Variants in NPAS3 observed in about 807,000 individuals in gnomAD.
NPAS3 encodes neuronal PAS domain protein 3.
In NPAS3, 14 loss-of-function variants were observed where a neutral mutation model predicts 73.1. The ratio of observed to expected loss-of-function variants is 0.19; its 90% CI spans 0.13 to 0.30. The LOEUF (loss-of-function observed/expected upper bound fraction) is 0.30, where lower values mean the gene tolerates loss of function less well. NPAS3 is among the 10% of genes least tolerant of loss of function. NPAS3 has a pLI of 1.00. For missense variants in NPAS3, 1,096 were observed against 1,250.0 expected (o/e 0.88, Z 1.86); for synonymous variants, 620 against 541.5 (o/e 1.14, Z -2.01).
chr14:33,371,370 A>C (rs1301918304), intron 4 of NPAS3, among the ~76,000 whole-genome samples: 1 of 152,168 alleles, frequency 6.6e-6, no homozygotes, highest in South Asian at 2.1e-4. Flanking sequence ...AGAAGTTATC[A>C]TCAAGAGAAA....
In NPAS3 at chr14:33,197,954, C is replaced by T. The variant is rs116787724; in HGVS notation, c.141-17228C>T. Among the ~76,000 whole-genome samples, 187 of 152,272 alleles carry T rather than the reference C, an allele frequency of 1.2e-3. 1 individual carries two copies. Among genetic ancestry groups the T allele is most frequent in the African/African-American group, 4.0e-3 (168 of 41,554 alleles). On this transcript the variant is annotated intron_variant, in intron 2 of 11. Coordinates refer to ENST00000356141, the Ensembl canonical transcript of NPAS3. ...GTTCCTTCTGATGTTCGGACGTGTT[C>T]GGAGTTTCTTCCTTGTGGTGGGTTC... is the stretch of plus-strand genomic sequence containing the variant.
chr14:33,104,620 C>T (rs556848587), intron 2 of NPAS3, among the ~76,000 whole-genome samples: 45 of 152,216 alleles, frequency 3.0e-4, no homozygotes, highest in Admixed American at 1.7e-3. Context: ...CCTGTACTGA[C>T]GTAGTGTTGG....
intron 4 of NPAS3, among the ~76,000 whole-genome samples, chr14:33,434,701 CT>C (rs2048914041): frequency 1.3e-5 from 2 of 152,080 alleles, no homozygotes; most frequent in Admixed American, 1.3e-4. Flanking sequence ...CTACATAAAG[CT>C]TTGTGTTAGC....
chr14:33,651,728 C>A (rs972430180), intron 5 of NPAS3, among the ~76,000 whole-genome samples: 1 of 152,002 alleles, frequency 6.6e-6, no homozygotes, highest in Non-Finnish European at 1.5e-5. Flanking sequence ...AGGAAAAAAA[C>A]TGATATAAAA....
chr14:33,415,454 T>C (rs2048108034), intron 4 of NPAS3, among the ~76,000 whole-genome samples: 3 of 152,122 alleles, frequency 2.0e-5, no homozygotes, highest in African/African-American at 2.4e-5. Flanking sequence ...AGTCCATTTT[T>C]CCTTCAAGGA....
chr14:33,108,517 A>T (rs1037458779), intron 2 of NPAS3, among the ~76,000 whole-genome samples: 18 of 152,172 alleles, frequency 1.2e-4, no homozygotes, highest in South Asian at 4.1e-4. Context: ...ACTGTATCAT[A>T]TCCAAATGAA....
At chr14:33,183,104 A>G (rs964049671) in intron 2 of NPAS3, among the ~76,000 whole-genome samples, 1 of 151,928 alleles carries the variant, frequency 6.6e-6, no homozygotes, top group Admixed American at 6.6e-5. Context: ...TTTTGCCACT[A>G]CTTCTTTAAC....
chr14:33,657,830 T>A (rs2059190719), intron 5 of NPAS3, among the ~76,000 whole-genome samples: 2 of 151,694 alleles, frequency 1.3e-5, no homozygotes. Flanking sequence ...GCAGTGGGAG[T>A]GGGGTGCGTT....
chr14:33,665,119 G>C (rs1370256865), intron 5 of NPAS3, among the ~76,000 whole-genome samples: 1 of 152,174 alleles, frequency 6.6e-6, no homozygotes, highest in Non-Finnish European at 1.5e-5. Flanking sequence ...GATGCCCATC[G>C]ATGATAGGCT....
chr14:33,563,774 C>T (rs2055784937), intron 5 of NPAS3, among the ~76,000 whole-genome samples: 1 of 152,094 alleles, frequency 6.6e-6, no homozygotes, highest in African/African-American at 2.4e-5. Flanking sequence ...GCATTCAGAG[C>T]TGTTCATGAC....
At chr14:33,643,377 A>T (rs1260463423) in intron 5 of NPAS3, among the ~76,000 whole-genome samples, 19 of 129,442 alleles carry the variant, frequency 1.5e-4, no homozygotes, top group African/African-American at 6.8e-4. Context: ...ATAAAAATTA[A>T]AAAAAAAAAA....
intron 2 of NPAS3, among the ~76,000 whole-genome samples, chr14:33,080,349 G>A (rs4982043): frequency 0.33 from 50,709 of 151,870 alleles, 8,719 homozygotes; most frequent in African/African-American, 0.43. Flanking sequence ...CTCGTGATCC[G>A]CCTACCTCGG....
At chr14:33,379,214 C>CT (rs899836979) in intron 4 of NPAS3, among the ~76,000 whole-genome samples, 196 of 145,656 alleles carry the variant, frequency 1.3e-3, no homozygotes, top group Non-Finnish European at 2.3e-3. Flanking sequence ...TGGTCCCAAG[C>CT]TTTTTTTTTT....
At chr14:32,945,725 G>C (rs1275831404) in intron 1 of NPAS3, among the ~76,000 whole-genome samples, 1 of 152,156 alleles carries the variant, frequency 6.6e-6, no homozygotes, top group Non-Finnish European at 1.5e-5. Flanking sequence ...CTCTGTTTTG[G>C]TCCTTCATCA....
chr14:33,325,664 G>C (rs78634489), intron 3 of NPAS3, among the ~76,000 whole-genome samples: 3,866 of 146,512 alleles, frequency 0.026, 167 homozygotes, highest in African/African-American at 0.091. Context: ...AAAAAGTACA[G>C]TTAAGTTATT....
intron 2 of NPAS3, among the ~76,000 whole-genome samples, chr14:33,174,500 C>T (rs1886780): frequency 0.94 from 142,560 of 152,260 alleles, 67,124 homozygotes; most frequent in Non-Finnish European, 0.99. Flanking sequence ...TGCAAAATAA[C>T]TCCCAAGGAG....
chr14:33,737,075 C>T (rs2061541215), intron 7 of NPAS3, among the ~76,000 whole-genome samples: 1 of 152,178 alleles, frequency 6.6e-6, no homozygotes, highest in African/African-American at 2.4e-5. Context: ...TTCTCAATGT[C>T]ACACGTTGAA....
intron 2 of NPAS3, among the ~76,000 whole-genome samples, chr14:33,074,537 C>T (rs571600430): frequency 1.3e-5 from 2 of 152,262 alleles, no homozygotes; most frequent in South Asian, 4.1e-4. Flanking sequence ...CTGCCTCAGC[C>T]TCTTGAGTAG....
chr14:33,381,272 TC>T (rs2046541146), intron 4 of NPAS3, among the ~76,000 whole-genome samples: 1 of 152,196 alleles, frequency 6.6e-6, no homozygotes, highest in Admixed American at 6.5e-5. Flanking sequence ...CATTTAATCT[TC>T]CGGAAGATAT....
Sources: gnomAD v4.1 joint callset for allele counts (sites outside exome capture counted in the v4.1 genomes callset) on GRCh38, gnomAD v4.1.1 for gene constraint, MANE v1.5 for transcripts, NCBI Gene and HGNC (gene_info 2026-07-23, HGNC 2026-07-21) for gene names.